The following HTR1F variants were observed in gnomAD, a reference collection of about 807,000 sequenced individuals.
The protein encoded by HTR1F is 5-hydroxytryptamine receptor 1F, also known as 5-hydroxytryptamine (serotonin) receptor 1F, G protein-coupled.
A neutral mutation model predicts 24.0 loss-of-function variants in HTR1F; 17 were observed. The observed-to-expected ratio is 0.71, with a 90% CI of 0.48 to 1.06. HTR1F has a LOEUF of 1.06. Among genes scored for constraint, HTR1F ranks in the 50% least tolerant of loss-of-function variants. HTR1F has a pLI of 0.00. For missense variants in HTR1F, 391 were observed against 427.8 expected (o/e 0.91, Z 0.76); for synonymous variants, 186 against 156.8 (o/e 1.19, Z -1.39).
chr3:87,952,718 A>C lies in HTR1F; in HGVS notation c.-42-37990A>C, dbSNP rs1223041393. Among the ~76,000 whole-genome samples, 6 of 151,994 alleles carry C rather than the reference A, an allele frequency of 3.9e-5. No homozygotes were observed. The East Asian group carries it at 1.2e-3, about 29-fold the overall frequency. ...CATAGAATAAAGCAAGTCACCAGGA[A>C]CTTTTTTAAAATATTTATAATCAAT... On this transcript the variant is annotated intron_variant, in intron 2 of 2. Coordinates refer to ENST00000319595, the MANE Select transcript of HTR1F (RefSeq NM_001322209.2).
At chr3:87,897,307 TA>T (rs1201518868) in intron 2 of HTR1F, among the ~76,000 whole-genome samples, 1 of 150,346 alleles carries the variant, frequency 6.7e-6, no homozygotes. Flanking sequence ...TGGATAGACA[TA>T]AAAAACATAA....
intron 2 of HTR1F, among the ~76,000 whole-genome samples, chr3:87,977,546 C>T (rs1705424081): frequency 6.6e-6 from 1 of 151,448 alleles, no homozygotes; most frequent in Non-Finnish European, 1.5e-5. Context: ...CTACAGGCAC[C>T]CGCCAGCACG....
At chr3:87,986,550 C>T (rs1229620446) in intron 2 of HTR1F, among the ~76,000 whole-genome samples, 1 of 152,118 alleles carries the variant, frequency 6.6e-6, no homozygotes, top group African/African-American at 2.4e-5. Flanking sequence ...TAGGGAAATC[C>T]ATTGAATTAT....
At chr3:87,924,517 T>A (rs561673370) in intron 2 of HTR1F, among the ~76,000 whole-genome samples, 2 of 152,296 alleles carry the variant, frequency 1.3e-5, no homozygotes, top group East Asian at 3.9e-4. Flanking sequence ...GTCCTTTTGC[T>A]TCCAGATCTA....
At chr3:87,953,450 A>C (rs7635463) in intron 2 of HTR1F, among the ~76,000 whole-genome samples, 66,398 of 151,004 alleles carry the variant, frequency 0.44, 15,605 homozygotes, top group African/African-American at 0.61. Context: ...AAAAACTGCT[A>C]AACTTTACTA....
At chr3:87,974,647 G>A (rs1420563274) in intron 2 of HTR1F, among the ~76,000 whole-genome samples, 2 of 152,210 alleles carry the variant, frequency 1.3e-5, no homozygotes, top group East Asian at 3.9e-4. Flanking sequence ...TTGAGAAAAT[G>A]TTTTATGGCA....
rs189681717 is a variant in HTR1F at position 87,849,495 on chromosome 3, C to T, written c.-43+27371C>T. On this transcript the variant is annotated intron_variant, in intron 2 of 2. Coordinates refer to ENST00000319595, the MANE Select transcript of HTR1F (RefSeq NM_001322209.2). ...AAGACTTACATGTTAGACCTAAAAC[C>T]ATAAAAACCCTATAAGAAAATCTAG... 2.9e-3 allele frequency among the ~76,000 whole-genome samples: 441 copies of T among 151,924 alleles called. 5 individuals are homozygous for T. Among genetic ancestry groups the T allele is most frequent in the Non-Finnish European group, 4.4e-3 (301 of 68,020 alleles).
At chr3:87,806,360 G>A (rs1704073415) in intron 1 of HTR1F, among the ~76,000 whole-genome samples, 2 of 151,960 alleles carry the variant, frequency 1.3e-5, no homozygotes, top group Admixed American at 1.3e-4. Flanking sequence ...CTGTCAATGT[G>A]TATAAAAGTT....
chr3:87,897,388 A>G (rs911358515), intron 2 of HTR1F, among the ~76,000 whole-genome samples: 9 of 151,478 alleles, frequency 5.9e-5, no homozygotes, highest in African/African-American at 2.2e-4. Context: ...TGTGAAATCC[A>G]AAAAAAAGGT....
intron 2 of HTR1F, among the ~76,000 whole-genome samples, chr3:87,952,404 G>A (rs1704853133): frequency 6.6e-6 from 1 of 151,906 alleles, no homozygotes; most frequent in Non-Finnish European, 1.5e-5. Context: ...CAATACAGAT[G>A]TTGATATGGA....
chr3:87,826,052 A>G (rs1311051098), intron 2 of HTR1F, among the ~76,000 whole-genome samples: 1 of 152,214 alleles, frequency 6.6e-6, no homozygotes, highest in Non-Finnish European at 1.5e-5. Context: ...GCTGTAATGT[A>G]TTGAATGCTC....
intron 2 of HTR1F, among the ~76,000 whole-genome samples, chr3:87,947,231 T>G (rs80108566): frequency 0.013 from 1,954 of 152,324 alleles, 34 homozygotes; most frequent in African/African-American, 0.044. Context: ...TTTGAAATTT[T>G]TATTACTGGA....
At chr3:87,885,675 A>G (rs1167810987) in intron 2 of HTR1F, among the ~76,000 whole-genome samples, 1 of 152,210 alleles carries the variant, frequency 6.6e-6, no homozygotes, top group Non-Finnish European at 1.5e-5. Flanking sequence ...CCAATCCCAC[A>G]AAAATACAAA....
chr3:87,972,918 C>G (rs1025090617), intron 2 of HTR1F, among the ~76,000 whole-genome samples: 1 of 151,858 alleles, frequency 6.6e-6, no homozygotes, highest in African/African-American at 2.4e-5. Context: ...CACCTGTAAT[C>G]CCAGCACTTT....
chr3:87,855,048 T>A (rs1479502264), intron 2 of HTR1F, among the ~76,000 whole-genome samples: 1 of 152,048 alleles, frequency 6.6e-6, no homozygotes, highest in Non-Finnish European at 1.5e-5. Flanking sequence ...TCCCCCCACT[T>A]AGACATGATA....
At chr3:87,878,861 G>A (rs1239461219) in intron 2 of HTR1F, among the ~76,000 whole-genome samples, 1 of 152,114 alleles carries the variant, frequency 6.6e-6, no homozygotes. Context: ...GTGTCATATT[G>A]TAGTTAAGAA....
At chr3:87,881,446 G>A (rs1287786863) in intron 2 of HTR1F, among the ~76,000 whole-genome samples, 1 of 152,138 alleles carries the variant, frequency 6.6e-6, no homozygotes, top group Non-Finnish European at 1.5e-5. Context: ...ACCAGGCAGA[G>A]CCCACTGCAG....
intron 2 of HTR1F, among the ~76,000 whole-genome samples, chr3:87,881,902 T>C (rs1010052376): frequency 6.6e-6 from 1 of 152,108 alleles, no homozygotes; most frequent in Non-Finnish European, 1.5e-5. Flanking sequence ...CAAAAGAAAC[T>C]ACCATCAGAG....
chr3:87,969,841 A>T lies in HTR1F; in HGVS notation c.-42-20867A>T, dbSNP rs142908728. ...TTCTATATTTCCCACGTGTTGTGGG[A>T]GGGACCCAGAGGGAGGTAATTGAAT... On this transcript the variant is annotated intron_variant, in intron 2 of 2. Transcript: ENST00000319595. Among the ~76,000 whole-genome samples the T allele has an allele frequency of 4.7e-3, 709 of 152,256 alleles. 4 individuals carry two copies. The highest frequency in any genetic ancestry group is 0.016 in the African/African-American group (676 of 41,550).
Sources: gnomAD v4.1 joint callset for allele counts (sites outside exome capture counted in the v4.1 genomes callset) on GRCh38, gnomAD v4.1.1 for gene constraint, MANE v1.5 for transcripts, NCBI Gene and HGNC (gene_info 2026-07-23, HGNC 2026-07-21) for gene names.